Variants in PIK3AP1 observed in about 807,000 individuals in gnomAD.
The protein encoded by PIK3AP1 is phosphoinositide 3-kinase adapter protein 1.
In PIK3AP1, 21 loss-of-function variants were observed where a neutral mutation model predicts 88.1. That is an observed-to-expected ratio of 0.24 (90% CI 0.17 to 0.34). The LOEUF is 0.34. PIK3AP1 is among the 10% of genes least tolerant of loss of function. The probability of loss-of-function intolerance (pLI) is 1.00; values close to 1 mark genes in which losing one functional copy is unlikely to be tolerated. For synonymous variants in PIK3AP1, 398 were observed against 400.0 expected, an observed-to-expected ratio of 1.00 and a Z score of 0.06; for missense variants, 828 against 1,035.7, an observed-to-expected ratio of 0.80 and a Z score of 2.75.
rs761608807 is a variant in PIK3AP1 at position 96,651,533 on chromosome 10, C to T, written c.831G>A (p.Ala277=). 1.4e-5 allele frequency: 22 copies of T among 1,614,018 alleles called. No homozygotes were observed. The highest frequency in any genetic ancestry group is 3.3e-5 in the Admixed American group (2 of 59,990). ...EEIGNLLSNA[A]NPVEFMCQAF... The stretch of plus-strand genomic sequence containing the variant: ...CCTGACACATGAATTCCACAGGATT[C>T]GCGGCATTGGACAATAAATTCCCAA... The change falls in exon 5 of 17, where the codon GCG becomes GCA. Residue 277 remains alanine, a synonymous_variant. Transcript: ENST00000339364.
chr10:96,699,741 T>C (rs1844270606), intron 2 of PIK3AP1, among the ~76,000 whole-genome samples: 1 of 152,198 alleles, frequency 6.6e-6, no homozygotes, highest in Admixed American at 6.5e-5. Flanking sequence ...ACCCTGATCC[T>C]AGCCCTAATG....
intron 12 of PIK3AP1, chr10:96,618,776 G>C (rs1198089519): frequency 6.6e-6 from 1 of 152,200 alleles, no homozygotes; most frequent in African/African-American, 2.4e-5. Context: ...TAGAGCCCTG[G>C]CTGTTCTTAA....
chr10:96,644,969 G>A (rs138269291), intron 8 of PIK3AP1, among the ~76,000 whole-genome samples: 85 of 152,052 alleles, frequency 5.6e-4, no homozygotes, highest in African/African-American at 2.0e-3. Flanking sequence ...GCCGTTGACC[G>A]TGATTCTGAG....
In PIK3AP1 at chr10:96,711,945, G is replaced by A. The variant is rs374877404; in HGVS notation, c.14-1962C>T. ...TTTTTTTTTTATTTTTAGTAGAGAC[G>A]GGGTTTCACCGTGTTAGCCAGGATG... On this transcript the variant is annotated intron_variant, in intron 1 of 16. Coordinates refer to ENST00000339364, the MANE Select transcript of PIK3AP1 (RefSeq NM_152309.3). Among the ~76,000 whole-genome samples, 10 of 151,072 alleles carry A rather than the reference G, an allele frequency of 6.6e-5. No individual in the cohort carries two copies. The South Asian group carries it at 1.0e-3, about 16-fold the overall frequency.
At chr10:96,696,710 C>T (rs1844225990) in intron 2 of PIK3AP1, among the ~76,000 whole-genome samples, 1 of 152,136 alleles carries the variant, frequency 6.6e-6, no homozygotes, top group African/African-American at 2.4e-5. Flanking sequence ...ACATACATTC[C>T]TTCATATCCA....
chr10:96,675,891 G>A (rs519467), intron 2 of PIK3AP1, among the ~76,000 whole-genome samples: 8,576 of 152,200 alleles, frequency 0.056, 293 homozygotes, highest in African/African-American at 0.092. Flanking sequence ...TTGCATACTC[G>A]TATTAGAATT....
At chr10:96,651,460 G>T (rs1302100968) in intron 5 of PIK3AP1, 49 bp downstream of exon 5, 1 of 1,613,976 alleles carries the variant, frequency 6.2e-7, no homozygotes, top group Admixed American at 1.7e-5. Context: ...TAAGCCATGA[G>T]CAGAAATTAC....
At chr10:96,639,190 A>C (rs1319895955) in intron 8 of PIK3AP1, among the ~76,000 whole-genome samples, 1 of 152,210 alleles carries the variant, frequency 6.6e-6, no homozygotes, top group East Asian at 1.9e-4. Flanking sequence ...CAGATGTCTC[A>C]GTACCACCTA....
chr10:96,618,427 T>C (rs1843030388), intron 12 of PIK3AP1, among the ~76,000 whole-genome samples: 1 of 152,216 alleles, frequency 6.6e-6, no homozygotes, highest in South Asian at 2.1e-4. Context: ...AAACCTGCCC[T>C]GTCCACCCCT....
intron 2 of PIK3AP1, among the ~76,000 whole-genome samples, chr10:96,692,854 C>T (rs1396784192): frequency 6.6e-6 from 1 of 151,954 alleles, no homozygotes; most frequent in Non-Finnish European, 1.5e-5. Context: ...AATAAAAGTC[C>T]CAATCAAGAA....
chr10:96,628,889 C>CATATATATATATAT (rs745432871), intron 8 of PIK3AP1, among the ~76,000 whole-genome samples: 1 of 60,850 alleles, frequency 1.6e-5, no homozygotes, highest in African/African-American at 6.0e-5. Context: ...TATATATATA[C>CATATATATATATAT]ATATATATAT....
intron 3 of PIK3AP1, 82 bp from the exon 4 acceptor site, chr10:96,652,924 T>A: frequency 6.8e-7 from 1 of 1,468,130 alleles, no homozygotes. Context: ...CCCAGCTCTC[T>A]TGCCCTAGCT....
chr10:96,672,001 T>C (rs1169141724), intron 2 of PIK3AP1, among the ~76,000 whole-genome samples: 2 of 151,768 alleles, frequency 1.3e-5, no homozygotes, highest in Non-Finnish European at 2.9e-5. Context: ...ATTGTGCCAC[T>C]GCACTCCAGC....
chr10:96,715,808 T>G (rs553868717), intron 1 of PIK3AP1, among the ~76,000 whole-genome samples: 1 of 150,602 alleles, frequency 6.6e-6, no homozygotes, highest in African/African-American at 2.4e-5. Flanking sequence ...GAGAATGGCA[T>G]GAACCCGGGA....
chr10:96,645,431 CT>C, intron 8 of PIK3AP1, 41 bp downstream of exon 8: 1 of 1,594,732 alleles, frequency 6.3e-7, no homozygotes, highest in Non-Finnish European at 8.5e-7. Flanking sequence ...AAAGCTGTTT[CT>C]CAGCAGAAAG....
At chr10:96,671,671 G>GTCA (rs150352850) in intron 2 of PIK3AP1, among the ~76,000 whole-genome samples, 12 of 152,066 alleles carry the variant, frequency 7.9e-5, no homozygotes, top group African/African-American at 2.9e-4. Context: ...CATCACCGTC[G>GTCA]TCATCATCAT....
At chr10:96,697,194 C>A (rs1483614086) in intron 2 of PIK3AP1, among the ~76,000 whole-genome samples, 1 of 152,194 alleles carries the variant, frequency 6.6e-6, no homozygotes, top group Non-Finnish European at 1.5e-5. Context: ...AGTAGCTGTT[C>A]TCTCGTTATA....
At chr10:96,699,248 A>G (rs930661838) in intron 2 of PIK3AP1, among the ~76,000 whole-genome samples, 56 of 152,180 alleles carry the variant, frequency 3.7e-4, no homozygotes, top group Admixed American at 3.5e-3. Flanking sequence ...AAAAGTAAAC[A>G]TTCTTTTTGA....
rs1000077681 is a variant in PIK3AP1 at position 96,616,723 on chromosome 10, T to G, written c.1942-12A>C. 2 of 1,613,710 alleles carry G rather than the reference T, an allele frequency of 1.2e-6. No homozygotes were observed. Among genetic ancestry groups the G allele is most frequent in the Admixed American group, 3.3e-5 (2 of 60,026 alleles). On this transcript the variant is annotated splice_polypyrimidine_tract_variant and intron_variant, in intron 12 of 16. Coordinates refer to ENST00000339364, the MANE Select transcript of PIK3AP1 (RefSeq NM_152309.3). ...CGTTTAAGATTTTCCTGGAAAAAAA[T>G]TTGGTTTATTTTTTAAGTGTACAAC... is the stretch of plus-strand genomic sequence containing the variant.
Sources: allele counts gnomAD v4.1 joint callset (sites outside exome capture counted in the v4.1 genomes callset), GRCh38; gene constraint gnomAD v4.1.1; transcripts MANE v1.5; gene names NCBI Gene and HGNC (gene_info 2026-07-23, HGNC 2026-07-21).